SYT17: variants seen among roughly 807,000 people sequenced by gnomAD.
The protein encoded by SYT17 is synaptotagmin-17.
Under a neutral mutation model 46.7 loss-of-function variants are expected in SYT17, and 22 were observed. The observed-to-expected ratio is 0.47, with a 90% CI of 0.34 to 0.67. The LOEUF (loss-of-function observed/expected upper bound fraction) is 0.67, where lower values mean the gene tolerates loss of function less well. Ranked by LOEUF, SYT17 falls within the 30% of genes least tolerant of loss-of-function variation. The probability of loss-of-function intolerance (pLI) is 0.01; values close to 1 mark genes in which losing one functional copy is unlikely to be tolerated. For missense variants in SYT17, 519 were observed against 612.8 expected (o/e 0.85, Z 1.62); for synonymous variants, 251 against 248.4 (o/e 1.01, Z -0.10).
intron 7 of SYT17, among the ~76,000 whole-genome samples, chr16:19,257,358 C>A (rs1263131924): frequency 6.8e-6 from 1 of 146,472 alleles, no homozygotes; most frequent in Non-Finnish European, 1.5e-5. Flanking sequence ...AAGGGGGAAA[C>A]TGAGGCCCAG....
chr16:19,242,833 A>G (rs1043235602), intron 7 of SYT17, among the ~76,000 whole-genome samples: 2 of 152,072 alleles, frequency 1.3e-5, no homozygotes, highest in African/African-American at 4.8e-5. Context: ...CCAGCCTTAG[A>G]TGGTGAGTGT....
intron 5 of SYT17, among the ~76,000 whole-genome samples, chr16:19,217,834 T>TTGTG (rs1240032900): frequency 1.3e-5 from 2 of 152,096 alleles, no homozygotes; most frequent in African/African-American, 4.8e-5. Context: ...GCTTATGATT[T>TTGTG]TGTGTGTGTG....
chr16:19,196,236 T>C (rs1965237805), intron 5 of SYT17, among the ~76,000 whole-genome samples: 1 of 133,764 alleles, frequency 7.5e-6, no homozygotes, highest in African/African-American at 2.9e-5. Context: ...AGACAGTCGA[T>C]AGAAGAATTT....
chr16:19,205,146 C>T (rs1965615439), intron 5 of SYT17, among the ~76,000 whole-genome samples: 1 of 152,192 alleles, frequency 6.6e-6, no homozygotes, highest in African/African-American at 2.4e-5. Context: ...AATGTCAGTT[C>T]ATGTCTTACT....
rs148057832 is a variant in SYT17, at chr16:19,198,390, T to C, written c.951+14243T>C. Among the ~76,000 whole-genome samples, 32 of 152,316 alleles carry C rather than the reference T, an allele frequency of 2.1e-4. No homozygotes were observed. The East Asian group carries it at 5.8e-3, about 28-fold the overall frequency. On this transcript the variant is annotated intron_variant, in intron 5 of 7. Transcript: ENST00000355377. ...TCAAAAGCACAGACCTAGTGTCCTT[T>C]AATTTTCAGGTCAGAGCCAGCCCAA...
intron 5 of SYT17, among the ~76,000 whole-genome samples, chr16:19,206,696 T>A (rs1227878481): frequency 6.6e-6 from 1 of 152,134 alleles, no homozygotes; most frequent in Non-Finnish European, 1.5e-5. Context: ...GGCTGAGAGA[T>A]GCATCCCTCC....
At chr16:19,219,039 T>G (rs920514532) in intron 5 of SYT17, among the ~76,000 whole-genome samples, 1 of 152,222 alleles carries the variant, frequency 6.6e-6, no homozygotes, top group Admixed American at 6.5e-5. Flanking sequence ...TCTCTTACAC[T>G]GCCTAATTTG....
chr16:19,234,299 C>G (rs11863610), intron 7 of SYT17, among the ~76,000 whole-genome samples: 3,382 of 152,132 alleles, frequency 0.022, 145 homozygotes, highest in African/African-American at 0.078. Flanking sequence ...GCACTCCAGC[C>G]TGGGGGACAG....
intron 7 of SYT17, among the ~76,000 whole-genome samples, chr16:19,251,801 C>G (rs554133508): frequency 1.3e-4 from 20 of 152,176 alleles, no homozygotes; most frequent in Non-Finnish European, 2.4e-4. Context: ...AAAGTGGGAG[C>G]ATCTCACAAC....
chr16:19,182,869 T>C (rs949134256), intron 4 of SYT17, among the ~76,000 whole-genome samples: 3 of 152,186 alleles, frequency 2.0e-5, no homozygotes, highest in Admixed American at 2.0e-4. Context: ...TTCTGTGCCA[T>C]GCTCTTTTCA....
intron 7 of SYT17, among the ~76,000 whole-genome samples, chr16:19,254,874 A>T (rs1165225583): frequency 1.3e-5 from 2 of 152,212 alleles, no homozygotes; most frequent in African/African-American, 4.8e-5. Flanking sequence ...CCCATATGTC[A>T]TCTTCAGTGC....
intron 5 of SYT17, among the ~76,000 whole-genome samples, chr16:19,191,816 C>T (rs1322277354): frequency 2.0e-5 from 3 of 152,100 alleles, no homozygotes; most frequent in Non-Finnish European, 2.9e-5. Flanking sequence ...GACTGTGTCT[C>T]ACTTTGTCGC....
chr16:19,242,085 T>C (rs1967174272), intron 7 of SYT17, among the ~76,000 whole-genome samples: 1 of 152,196 alleles, frequency 6.6e-6, no homozygotes, highest in African/African-American at 2.4e-5. Flanking sequence ...GAATCTGAGC[T>C]CTCAGTTACT....
intron 7 of SYT17, among the ~76,000 whole-genome samples, chr16:19,258,300 C>T (rs987529090): frequency 6.6e-6 from 1 of 151,936 alleles, no homozygotes; most frequent in Non-Finnish European, 1.5e-5. Flanking sequence ...AATTGTGTCC[C>T]CAGGGTACAT....
chr16:19,215,918 A>G lies in SYT17; in HGVS notation c.952-7127A>G, dbSNP rs1445915292. Among the ~76,000 whole-genome samples the G allele has an allele frequency of 2.0e-5, 3 of 152,286 alleles. No individual in the cohort carries two copies. In the East Asian group the frequency reaches 5.8e-4, roughly 29 times the overall value. ...GTCTTACATGGATGGCAGCAGGCAA[A>G]CAGAGAGAACTTGTGCAGGGAAACT... On this transcript the variant is annotated intron_variant, in intron 5 of 7. Transcript: ENST00000355377.
chr16:19,236,570 A>G (rs1245875393), intron 7 of SYT17, among the ~76,000 whole-genome samples: 5 of 152,112 alleles, frequency 3.3e-5, no homozygotes, highest in Non-Finnish European at 7.3e-5. Context: ...AATTTGCTAG[A>G]AAGACTACTA....
intron 1 of SYT17, 93 bp from the exon 2 acceptor site, chr16:19,172,667 T>C: frequency 6.3e-7 from 1 of 1,578,574 alleles, no homozygotes; most frequent in South Asian, 1.2e-5. Flanking sequence ...TTTTTTGAGT[T>C]GCTGGAATAT....
chr16:19,239,728 G>A lies in SYT17; in HGVS notation c.1228+14890G>A, dbSNP rs117476430. On this transcript the variant is annotated intron_variant, in intron 7 of 7. Coordinates refer to ENST00000355377, the MANE Select transcript of SYT17 (RefSeq NM_016524.4). ...GCCGGAAACCACTGTGCCTGGTGGC[G>A]CCTTTGTCTGAGTTTTGCCTGGACC... is the stretch of plus-strand genomic sequence containing the variant. Among the ~76,000 whole-genome samples the A allele has an allele frequency of 3.3e-3, 505 of 152,280 alleles. 1 individual carries two copies. Among genetic ancestry groups the A allele is most frequent in the Non-Finnish European group, 5.0e-3 (340 of 68,024 alleles).
intron 3 of SYT17, chr16:19,180,029 A>G (rs1964483257): frequency 4.7e-6 from 1 of 213,270 alleles, no homozygotes; most frequent in Non-Finnish European, 9.5e-6. Flanking sequence ...TAAAACAACC[A>G]GACGGTTCAC....
Sources: gnomAD v4.1 joint callset for allele counts (sites outside exome capture counted in the v4.1 genomes callset) on GRCh38, gnomAD v4.1.1 for gene constraint, MANE v1.5 for transcripts, NCBI Gene and HGNC (gene_info 2026-07-23, HGNC 2026-07-21) for gene names.